Variants in GSAP observed in about 807,000 individuals in gnomAD.
The protein encoded by GSAP is gamma-secretase activating protein, also known as gamma-secretase-activating protein.
Under a neutral mutation model 131.7 loss-of-function variants are expected in GSAP, and 118 were observed. That is an observed-to-expected ratio of 0.90 (90% CI 0.77 to 1.04). GSAP has a LOEUF of 1.04. GSAP is among the 50% of genes least tolerant of loss of function. The probability of loss-of-function intolerance (pLI) is 0.00; values close to 1 mark genes in which losing one functional copy is unlikely to be tolerated. For missense variants in GSAP, 1,019 were observed against 1,013.2 expected (o/e 1.01, Z -0.08); for synonymous variants, 381 against 363.4 (o/e 1.05, Z -0.55).
chr7:77,351,670 GCTGCTCCACC>G (rs1792884571), intron 18 of GSAP: 2 of 985,814 alleles, frequency 2.0e-6, no homozygotes, highest in South Asian at 9.4e-5. Flanking sequence ...GTCCACAATA[GCTGCTCCACC>G]CTGCACAATC....
chr7:77,396,531 C>A (rs1452430405), intron 5 of GSAP, among the ~76,000 whole-genome samples: 1 of 152,032 alleles, frequency 6.6e-6, no homozygotes, highest in African/African-American at 2.4e-5. Flanking sequence ...TGGGGAGGGG[C>A]CAGGGAGCAT....
intron 8 of GSAP, among the ~76,000 whole-genome samples, chr7:77,380,540 C>T (rs1797637846): frequency 6.6e-6 from 1 of 152,110 alleles, no homozygotes; most frequent in South Asian, 2.1e-4. Flanking sequence ...TTATCTACTT[C>T]TAAAGAGACT....
At chr7:77,365,794 T>C (rs1795197244) in intron 12 of GSAP, among the ~76,000 whole-genome samples, 2 of 152,150 alleles carry the variant, frequency 1.3e-5, no homozygotes, top group Non-Finnish European at 2.9e-5. Flanking sequence ...TGTTAGCCTT[T>C]GAGTAATCAC....
chr7:77,312,042 G>A, intron 29 of GSAP, 59 bp downstream of exon 29: 1 of 1,241,166 alleles, frequency 8.1e-7, no homozygotes, highest in Non-Finnish European at 1.2e-6. Flanking sequence ...CAGATATGTT[G>A]TCACGGGCAA....
chr7:77,311,766 C>T (rs899373839), intron 30 of GSAP, 75 bp downstream of exon 30: 13 of 771,474 alleles, frequency 1.7e-5, no homozygotes, highest in African/African-American at 5.2e-5. Context: ...GGAAAGAAGA[C>T]AAAGAAGTGA....
At chr7:77,328,390 CA>C in intron 22 of GSAP, 1 of 1,282,494 alleles carries the variant, frequency 7.8e-7, no homozygotes, top group Non-Finnish European at 9.8e-7. Flanking sequence ...ACTCCCATCG[CA>C]AAAGCACATT....
At chr7:77,406,722 A>T (rs1340715600) in intron 1 of GSAP, among the ~76,000 whole-genome samples, 1 of 152,248 alleles carries the variant, frequency 6.6e-6, no homozygotes, top group African/African-American at 2.4e-5. Context: ...GCCAAGGGTC[A>T]GGTGAATCAG....
At chr7:77,377,164 C>CT in intron 9 of GSAP, 122 bp downstream of exon 9, 1 of 1,113,126 alleles carries the variant, frequency 9.0e-7, no homozygotes, top group Non-Finnish European at 1.2e-6. Flanking sequence ...CTGCAGTGAG[C>CT]TATGATCACA....
At chr7:77,378,038 TG>T (rs1456251838) in intron 8 of GSAP, among the ~76,000 whole-genome samples, 1 of 152,254 alleles carries the variant, frequency 6.6e-6, no homozygotes, top group Non-Finnish European at 1.5e-5. Flanking sequence ...TGTTTTCCAA[TG>T]GTGCATTGGC....
At chr7:77,364,722 A>G (rs1330000855) in intron 12 of GSAP, among the ~76,000 whole-genome samples, 2 of 152,258 alleles carry the variant, frequency 1.3e-5, no homozygotes, top group Non-Finnish European at 2.9e-5. Flanking sequence ...ACATATTCTA[A>G]GAACCATATC....
chr7:77,410,359 C>T (rs1388488229), intron 1 of GSAP, among the ~76,000 whole-genome samples: 1 of 152,142 alleles, frequency 6.6e-6, no homozygotes, highest in East Asian at 1.9e-4. Flanking sequence ...GGACGAGTTG[C>T]CCATGTCTTA....
At chr7:77,341,967 C>A (rs566456958) in intron 19 of GSAP, among the ~76,000 whole-genome samples, 39 of 152,322 alleles carry the variant, frequency 2.6e-4, no homozygotes, top group Admixed American at 2.4e-3. Context: ...CAGGATCTTA[C>A]TTCAGTGCTG....
chr7:77,320,790 G>A lies in GSAP; in HGVS notation c.2024C>T (p.Ala675Val). ...FNSRGSAAEF[A>V]VFHIMTRILE... ...AATCCTGGTCATGATGTGAAAAACT[G>A]CAAATTCAGCAGCACTGCCACGACT... is the stretch of plus-strand genomic sequence containing the variant. The change falls in exon 26 of 31, where the codon GCA becomes GTA. Residue 675 changes from alanine to valine, a missense_variant. By Grantham distance (64) the Ala-to-Val change is moderately conservative (BLOSUM62 0). Coordinates refer to ENST00000257626, the MANE Select transcript of GSAP (RefSeq NM_017439.4). 6.2e-7 allele frequency: 1 copy of A among 1,611,350 alleles called. No individual in the cohort carries two copies. The highest frequency in any genetic ancestry group is 8.5e-7 in the Non-Finnish European group (1 of 1,177,594).
intron 12 of GSAP, among the ~76,000 whole-genome samples, chr7:77,372,428 T>G (rs1334758077): frequency 6.6e-6 from 1 of 152,176 alleles, no homozygotes; most frequent in Admixed American, 6.5e-5. Context: ...TTATGAAAAT[T>G]TGAATAGAAA....
chr7:77,332,932 G>C (rs1789379250), intron 19 of GSAP, among the ~76,000 whole-genome samples: 1 of 152,116 alleles, frequency 6.6e-6, no homozygotes, highest in Non-Finnish European at 1.5e-5. Flanking sequence ...ATTTTGGAAG[G>C]CAGAGGCAGG....
In GSAP at chr7:77,416,323, G is replaced by A. The variant is rs1804466561; in HGVS notation, c.-2C>T. On this transcript the variant is annotated 5_prime_UTR_variant, in exon 1 of 31. Transcript: ENST00000257626. ...GTCGGCGACCAGGCGAAGAGCCATC[G>A]CCCGGACACGACCACCGGGCGGCTC... 3 of 1,483,442 alleles carry A rather than the reference G, an allele frequency of 2.0e-6. No homozygotes were observed. The highest frequency in any genetic ancestry group is 2.7e-6 in the Non-Finnish European group (3 of 1,116,306). 91.9% of individuals were successfully genotyped at this position (1,483,442 alleles called of 1,614,324 possible).
intron 12 of GSAP, among the ~76,000 whole-genome samples, chr7:77,372,611 A>G (rs1796298143): frequency 1.3e-5 from 2 of 152,252 alleles, no homozygotes; most frequent in African/African-American, 4.8e-5. Context: ...TGATACATAT[A>G]TATATAGTGA....
intron 23 of GSAP, among the ~76,000 whole-genome samples, chr7:77,324,755 C>T (rs557087956): frequency 6.7e-6 from 1 of 149,898 alleles, no homozygotes; most frequent in Non-Finnish European, 1.5e-5. Context: ...TTAACAATTG[C>T]GTTTTTTTTT....
intron 5 of GSAP, among the ~76,000 whole-genome samples, chr7:77,390,946 TAAAAAAAAAAAAAAAAAAAAAAAA>T (rs71085453): frequency 0.29 from 11,184 of 38,212 alleles, 782 homozygotes; most frequent in South Asian, 0.49. Flanking sequence ...AGACTCCGTC[TAAAAAAAAAAAAAAAAAAAAAAAA>T]AAAAAAAAAA....
Sources: allele counts gnomAD v4.1 joint callset (sites outside exome capture counted in the v4.1 genomes callset), GRCh38; gene constraint gnomAD v4.1.1; transcripts MANE v1.5; gene names NCBI Gene and HGNC (gene_info 2026-07-23, HGNC 2026-07-21).